The following CHODL variants were observed in gnomAD, a reference collection of about 807,000 sequenced individuals.
The protein encoded by CHODL is transmembrane protein MT75.
A neutral mutation model predicts 34.5 loss-of-function variants in CHODL; 29 were observed. The observed-to-expected ratio is 0.84, with a 90% CI of 0.63 to 1.15. CHODL has a LOEUF of 1.15. CHODL is among the 50% of genes most tolerant of loss of function. CHODL has a pLI of 0.00. For synonymous variants in CHODL, 125 were observed against 116.1 expected, an observed-to-expected ratio of 1.08 and a Z score of -0.49; for missense variants, 332 against 332.5, an observed-to-expected ratio of 1.00 and a Z score of 0.01.
At position 18,266,857 on chromosome 21, in the gene CHODL, A is replaced by T. The variant is rs2051358; in HGVS notation, c.*819A>T. ...GCAGTCAATTTGAACAAAAGAAGTG[A>T]CATACACAATATAAATCATATGTCT... On this transcript the variant is annotated 3_prime_UTR_variant, in exon 6 of 6. Coordinates refer to ENST00000299295, the MANE Select transcript of CHODL (RefSeq NM_024944.3). 1 of 152,458 alleles carries T rather than the reference A, an allele frequency of 6.6e-6. No individual in the cohort carries two copies. The highest frequency in any genetic ancestry group is 2.4e-5 in the African/African-American group (1 of 41,334). 9.4% of individuals were successfully genotyped at this position (152,458 alleles called of 1,614,324 possible).
rs565941622 is a variant in CHODL at position 18,260,928 on chromosome 21, A to G, written c.634+642A>G. On this transcript the variant is annotated intron_variant, in intron 4 of 5. Coordinates refer to ENST00000299295, the MANE Select transcript of CHODL (RefSeq NM_024944.3). Reference sequence around the variant, plus strand: ...AACAACATGTAGGCGTCATGATGCAAATTGGCACATTCAGTGGAGAGCAAA... The same window carrying G: ...AACAACATGTAGGCGTCATGATGCAGATTGGCACATTCAGTGGAGAGCAAA... Among the ~76,000 whole-genome samples, 13 of 152,326 alleles carry G rather than the reference A, an allele frequency of 8.5e-5. 2 individuals are homozygous for G. In the South Asian group the frequency reaches 2.7e-3, roughly 32 times the overall value.
chr21:18,125,547 G>T (rs1194513910), intron 2 of CHODL, among the ~76,000 whole-genome samples: 1 of 151,492 alleles, frequency 6.6e-6, no homozygotes, highest in African/African-American at 2.4e-5. Context: ...ATAGAAAATT[G>T]ATTACATTAT....
intron 3 of CHODL, among the ~76,000 whole-genome samples, chr21:18,257,514 A>T (rs996763786): frequency 6.6e-6 from 1 of 152,218 alleles, no homozygotes; most frequent in East Asian, 1.9e-4. Context: ...TGTGAGCAGC[A>T]CTTCTTTATC....
At chr21:18,173,659 G>T (rs1396983396) in intron 2 of CHODL, among the ~76,000 whole-genome samples, 1 of 151,926 alleles carries the variant, frequency 6.6e-6, no homozygotes, top group Non-Finnish European at 1.5e-5. Flanking sequence ...TGCTCTCAAG[G>T]CCTTAGTCAA....
At chr21:18,030,551 A>C (rs1340180483) in intron 2 of CHODL, among the ~76,000 whole-genome samples, 4 of 152,186 alleles carry the variant, frequency 2.6e-5, no homozygotes, top group Non-Finnish European at 5.9e-5. Flanking sequence ...ATAATCTGTT[A>C]CATAGAAATA....
intron 2 of CHODL, among the ~76,000 whole-genome samples, chr21:18,120,413 A>G (rs1344471303): frequency 2.6e-5 from 4 of 152,126 alleles, no homozygotes; most frequent in East Asian, 1.9e-4. Context: ...TTTGTTTCCT[A>G]TGGCTGTTTT....
chr21:17,945,187 G>A (rs1189997843), intron 1 of CHODL, among the ~76,000 whole-genome samples: 2 of 146,316 alleles, frequency 1.4e-5, no homozygotes, highest in South Asian at 2.2e-4. Context: ...ACTCCAGCCT[G>A]GGCAATGGAG....
chr21:17,969,310 T>C (rs2063596218), intron 1 of CHODL, among the ~76,000 whole-genome samples: 1 of 152,162 alleles, frequency 6.6e-6, no homozygotes, highest in Admixed American at 6.5e-5. Context: ...ATCTTGAATT[T>C]TGCAATTTGT....
At chr21:17,996,706 A>G (rs960232780) in intron 1 of CHODL, among the ~76,000 whole-genome samples, 5 of 152,246 alleles carry the variant, frequency 3.3e-5, no homozygotes, top group Admixed American at 6.5e-5. Context: ...GAATATGAAA[A>G]GGAACTTTTT....
At chr21:18,227,693 A>T (rs1479952995) in intron 2 of CHODL, among the ~76,000 whole-genome samples, 3 of 152,180 alleles carry the variant, frequency 2.0e-5, no homozygotes, top group African/African-American at 7.2e-5. Flanking sequence ...AGTGCAGATG[A>T]CATTATCTAA....
At chr21:17,984,200 C>T (rs981357058) in intron 1 of CHODL, among the ~76,000 whole-genome samples, 3 of 152,266 alleles carry the variant, frequency 2.0e-5, no homozygotes, top group African/African-American at 7.2e-5. Context: ...TAGTGGTCTT[C>T]GGCGTCATCT....
At chr21:18,078,170 T>C (rs1027129636) in intron 2 of CHODL, among the ~76,000 whole-genome samples, 1 of 152,090 alleles carries the variant, frequency 6.6e-6, no homozygotes, top group African/African-American at 2.4e-5. Flanking sequence ...CAAGACTGGG[T>C]AATGAGACTG....
intron 2 of CHODL, among the ~76,000 whole-genome samples, chr21:18,094,226 A>T (rs936285613): frequency 6.6e-6 from 1 of 152,062 alleles, no homozygotes. Context: ...TATAAAACAA[A>T]TATTATAGCT....
At chr21:18,082,229 G>T (rs1410574731) in intron 2 of CHODL, among the ~76,000 whole-genome samples, 1 of 152,132 alleles carries the variant, frequency 6.6e-6, no homozygotes, top group Non-Finnish European at 1.5e-5. Context: ...CTATGCCATG[G>T]TAAGACATGC....
chr21:18,039,201 A>C (rs1019444738), intron 2 of CHODL, among the ~76,000 whole-genome samples: 5 of 151,692 alleles, frequency 3.3e-5, no homozygotes, highest in Admixed American at 2.0e-4. Context: ...ATTACAAATA[A>C]ATCTGAGAGA....
At chr21:17,941,286 C>CTTTTTTTTTTTTTTTTTTT (rs34255623) in intron 1 of CHODL, among the ~76,000 whole-genome samples, 1 of 87,958 alleles carries the variant, frequency 1.1e-5, no homozygotes, top group Non-Finnish European at 2.1e-5. Context: ...TAACTTGCCT[C>CTTTTTTTTTTTTTTTTTTT]TTTTTTTTTT....
intron 1 of CHODL, among the ~76,000 whole-genome samples, chr21:17,990,592 A>C (rs1159878740): frequency 6.6e-6 from 1 of 152,164 alleles, no homozygotes; most frequent in Non-Finnish European, 1.5e-5. Flanking sequence ...AGAAATATCA[A>C]TTAAATACAA....
intron 1 of CHODL, among the ~76,000 whole-genome samples, chr21:18,007,526 G>T (rs2063972030): frequency 6.6e-6 from 1 of 152,106 alleles, no homozygotes; most frequent in African/African-American, 2.4e-5. Flanking sequence ...TTGATTAGGT[G>T]CATGCATTAT....
intron 2 of CHODL, among the ~76,000 whole-genome samples, chr21:18,222,249 T>TAGAG (rs2073891435): frequency 2.0e-5 from 3 of 152,130 alleles, no homozygotes; most frequent in Non-Finnish European, 4.4e-5. Flanking sequence ...GGTTATAGGG[T>TAGAG]ACTGCGTGGG....
Sources: gnomAD v4.1 joint callset for allele counts (sites outside exome capture counted in the v4.1 genomes callset) on GRCh38, gnomAD v4.1.1 for gene constraint, MANE v1.5 for transcripts, NCBI Gene and HGNC (gene_info 2026-07-23, HGNC 2026-07-21) for gene names.